The following SDSL variants were observed in gnomAD, a reference collection of about 807,000 sequenced individuals.
SDSL encodes serine dehydratase like, also known as serine dehydratase-like.
A neutral mutation model predicts 27.6 loss-of-function variants in SDSL; 26 were observed. That is an observed-to-expected ratio of 0.94 (90% CI 0.69 to 1.31). SDSL has a LOEUF of 1.31. Ranked by LOEUF, SDSL falls within the 50% of genes most tolerant of loss-of-function variation. The pLI is 0.00. For synonymous variants in SDSL, 196 were observed against 180.6 expected, an observed-to-expected ratio of 1.09 and a Z score of -0.69; for missense variants, 431 against 423.5, an observed-to-expected ratio of 1.02 and a Z score of -0.16.
At chr12:113,426,013 A>ACCACCAACACCT in intron 1 of SDSL, 1 of 382,844 alleles carries the variant, frequency 2.6e-6, no homozygotes, top group Non-Finnish European at 5.3e-6. Context: ...CACCAACACC[A>ACCACCAACACCT]CCACCACCTC....
intron 3 of SDSL, 89 bp downstream of exon 3, chr12:113,428,548 C>T: frequency 1.8e-6 from 2 of 1,123,052 alleles, no homozygotes; most frequent in South Asian, 1.5e-5. Flanking sequence ...TTGGTCTCCT[C>T]TTAAAGGCCC....
chr12:113,425,515 G>A (rs747917118), intron 1 of SDSL: 1 of 373,208 alleles, frequency 2.7e-6, no homozygotes, highest in Non-Finnish European at 5.2e-6. Context: ...AAGTTGCAGC[G>A]CCCCCCCTAG....
chr12:113,428,265 T>C (rs1957875852), intron 2 of SDSL, 109 bp downstream of exon 2: 1 of 1,325,030 alleles, frequency 7.5e-7, no homozygotes, highest in Admixed American at 2.0e-5. Context: ...CATGAACTCG[T>C]GCAGATGGGA....
chr12:113,422,532 G>C (rs1299118916), intron 1 of SDSL, 55 bp downstream of exon 1: 2 of 152,830 alleles, frequency 1.3e-5, no homozygotes, highest in Non-Finnish European at 1.5e-5. Context: ...GTGTGAATGA[G>C]AGGCTGATGA....
At position 113,431,152 on chromosome 12, in the gene SDSL, C is replaced by T. The variant is rs548159469; in HGVS notation, c.354+1853C>T. Among the ~76,000 whole-genome samples the T allele has an allele frequency of 6.6e-5, 10 of 152,064 alleles. No individual in the cohort carries two copies. The East Asian group carries it at 1.4e-3, about 21-fold the overall frequency. On this transcript the variant is annotated intron_variant, in intron 4 of 7. Coordinates refer to ENST00000403593, the MANE Select transcript of SDSL (RefSeq NM_001304993.2). ...GGAAAAGCTGTGGGTGAAGGTGTGG[C>T]GTGGATGAGCACGGTGCATTCAGGC...
intron 5 of SDSL, 69 bp from the exon 6 acceptor site, chr12:113,435,260 C>T (rs1334780961): frequency 3.6e-6 from 4 of 1,118,196 alleles, no homozygotes; most frequent in East Asian, 5.3e-5. Context: ...GTAAATTCCC[C>T]CACCACAGGA....
intron 5 of SDSL, among the ~76,000 whole-genome samples, chr12:113,434,985 C>A (rs1176201928): frequency 6.6e-6 from 1 of 152,028 alleles, no homozygotes; most frequent in African/African-American, 2.4e-5. Context: ...CGTGGTGGTG[C>A]GCACCTTTAG....
At chr12:113,432,273 T>TTTTTTTC (rs1565879206) in intron 4 of SDSL, among the ~76,000 whole-genome samples, 9 of 133,680 alleles carry the variant, frequency 6.7e-5, no homozygotes, top group African/African-American at 2.7e-4. Flanking sequence ...TCTTTCTTTC[T>TTTTTTTC]TTCTTTCTTT....
chr12:113,430,142 C>CCAT (rs1417940698), intron 4 of SDSL, among the ~76,000 whole-genome samples: 2 of 125,678 alleles, frequency 1.6e-5, no homozygotes, highest in Non-Finnish European at 3.2e-5. Flanking sequence ...ATCCATCCAC[C>CCAT]CATCCATCCA....
At chr12:113,431,719 A>T (rs994307531) in intron 4 of SDSL, among the ~76,000 whole-genome samples, 2 of 146,278 alleles carry the variant, frequency 1.4e-5, no homozygotes, top group Non-Finnish European at 3.0e-5. Context: ...GATTACAGGC[A>T]CCCACCACCA....
chr12:113,436,644 A>T lies in SDSL; in HGVS notation c.672-107A>T, dbSNP rs895862372. 3.4e-6 allele frequency: 4 copies of T among 1,181,138 alleles called. No homozygotes were observed. The African/African-American group carries it at 6.3e-5, about 19-fold the overall frequency. The allele number at this position is 1,181,138 out of a possible 1,614,324, so 73.2% of individuals were successfully genotyped here. A position where few individuals can be genotyped will look rare whatever the true frequency, so the allele number is the denominator to read the frequency against. ...TGACTTATAATGCTGAGCTCCAACCAGCCCATGGCAGGATGGGAGGGGGTG... is the reference window on the plus strand; with the variant it reads ...TGACTTATAATGCTGAGCTCCAACCTGCCCATGGCAGGATGGGAGGGGGTG... On this transcript the variant is annotated intron_variant, in intron 6 of 7. Coordinates refer to ENST00000403593, the MANE Select transcript of SDSL (RefSeq NM_001304993.2).
intron 4 of SDSL, among the ~76,000 whole-genome samples, chr12:113,432,265 T>TTTCTTTCTTTCTTTCTTTCTTTTTTTC (rs1957938230): frequency 1.0e-4 from 14 of 137,274 alleles, no homozygotes; most frequent in African/African-American, 3.4e-4. Context: ...TCTTTCTTTC[T>TTTCTTTCTTTCTTTCTTTCTTTTTTTC]TTCTTTCTTT....
intron 2 of SDSL, 62 bp from the exon 3 acceptor site, chr12:113,428,358 C>A: frequency 6.5e-7 from 1 of 1,540,464 alleles, no homozygotes; most frequent in Non-Finnish European, 8.9e-7. Flanking sequence ...TAACGCCATT[C>A]CACATAGGCC....
chr12:113,436,858 C>T lies in SDSL; in HGVS notation c.779C>T (p.Ala260Val). Residue 260 changes from alanine to valine, a missense_variant, in exon 7 of 8, where the codon GCT (alanine) becomes GTT (valine). By Grantham distance (64) the Ala-to-Val change is moderately conservative (BLOSUM62 0). Transcript: ENST00000403593. Reference protein sequence around the residue: ...EVVEDTEAVSAVQQLLDDERM... With the variant: ...EVVEDTEAVSVVQQLLDDERM... ...GTGGAGGACACCGAGGCTGTGAGCGCTGTGCAGCAGCTCCTGGGTGAGTGA... is the reference window on the plus strand; with the variant it reads ...GTGGAGGACACCGAGGCTGTGAGCGTTGTGCAGCAGCTCCTGGGTGAGTGA... The T allele has an allele frequency of 6.2e-7, 1 of 1,608,212 alleles. No individual in the cohort carries two copies. The highest frequency in any genetic ancestry group is 8.5e-7 in the Non-Finnish European group (1 of 1,178,248).
chr12:113,423,525 C>T (rs1206150858), intron 1 of SDSL, among the ~76,000 whole-genome samples: 1 of 152,116 alleles, frequency 6.6e-6, no homozygotes, highest in Non-Finnish European at 1.5e-5. Context: ...AGAGATTTAC[C>T]TGAGGCCAGG....
At chr12:113,433,118 T>A (rs1283288377) in intron 4 of SDSL, among the ~76,000 whole-genome samples, 2 of 152,228 alleles carry the variant, frequency 1.3e-5, no homozygotes, top group Non-Finnish European at 2.9e-5. Context: ...GCTGAACTCA[T>A]TTGCATTCAC....
chr12:113,438,173 A>G lies in SDSL; in HGVS notation c.*94A>G. The G allele has an allele frequency of 8.7e-7, 1 of 1,145,408 alleles. No individual in the cohort carries two copies. The highest frequency in any genetic ancestry group is 2.3e-5 in the Admixed American group (1 of 43,778). 71.0% of individuals were successfully genotyped at this position (1,145,408 alleles called of 1,614,324 possible). A position where few individuals can be genotyped will look rare whatever the true frequency, so the allele number is the denominator to read the frequency against. ...CTCAGTGCTGGCAGATGGCAGTGGA[A>G]GCTGCCCTGTGCAACTGTGCTGGCT... On this transcript the variant is annotated 3_prime_UTR_variant, in exon 8 of 8. Transcript: ENST00000403593.
rs186711686 is a variant in SDSL at position 113,437,653 on chromosome 12, T to C, written c.797-233T>C. Among the ~76,000 whole-genome samples, 65 of 152,138 alleles carry C rather than the reference T, an allele frequency of 4.3e-4. 1 individual carries two copies. The East Asian group carries it at 0.013, about 29-fold the overall frequency. ...GATGGACAGATAGATAGTCTAATGA[T>C]GGATAGAGGAATGGATGGATGGATA... On this transcript the variant is annotated intron_variant, in intron 7 of 7. Transcript: ENST00000403593.
In SDSL at chr12:113,435,349, T is replaced by A. The variant is rs1488165193; in HGVS notation, c.464T>A (p.Val155Glu). 1 of 1,554,356 alleles carries A rather than the reference T, an allele frequency of 6.4e-7. No individual in the cohort carries two copies. ...PLIWKGHASL[V>E]QELKAVLRTP... is the part of the protein sequence containing the mutation. ...CCCAGGAAAGGCCACGCCAGCCTGGTGCAGGAGCTGAAAGCAGTGCTGAGG... is the reference window on the plus strand; with the variant it reads ...CCCAGGAAAGGCCACGCCAGCCTGGAGCAGGAGCTGAAAGCAGTGCTGAGG... The change falls in exon 6 of 8, where the codon GTG (valine) becomes GAG (glutamate). Residue 155 changes from valine (V) to glutamate (E), a missense_variant. Transcript: ENST00000403593.
Sources: allele counts gnomAD v4.1 joint callset (sites outside exome capture counted in the v4.1 genomes callset), GRCh38; gene constraint gnomAD v4.1.1; transcripts MANE v1.5; gene names NCBI Gene and HGNC (gene_info 2026-07-23, HGNC 2026-07-21).